SORCS1: variants seen among roughly 807,000 people sequenced by gnomAD.
The protein encoded by SORCS1 is sortilin related VPS10 domain containing receptor 1.
In SORCS1, 60 loss-of-function variants were observed where a neutral mutation model predicts 146.1. That is an observed-to-expected ratio of 0.41 (90% CI 0.33 to 0.51). The LOEUF is 0.51. SORCS1 is among the 20% of genes least tolerant of loss of function. The pLI is 0.21. For missense variants in SORCS1, 1,352 were observed against 1,487.6 expected (o/e 0.91, Z 1.50); for synonymous variants, 637 against 584.0 (o/e 1.09, Z -1.31).
At chr10:107,010,012 T>C (rs1957626937) in intron 1 of SORCS1, among the ~76,000 whole-genome samples, 1 of 152,200 alleles carries the variant, frequency 6.6e-6, no homozygotes, top group Non-Finnish European at 1.5e-5. Context: ...GTTGAAAAAC[T>C]TATGATGTGG....
At position 107,107,258 on chromosome 10, in the gene SORCS1, A is replaced by T. The variant is rs118122215; in HGVS notation, c.558+56711T>A. On this transcript the variant is annotated intron_variant, in intron 1 of 25. Transcript: ENST00000263054. ...TCAGAAAAAAAGAAGAGATGCAGAG[A>T]AAGCCTCAATCTTAGAAAATACCTA... Among the ~76,000 whole-genome samples, 36 of 152,366 alleles carry T rather than the reference A, an allele frequency of 2.4e-4. No homozygotes were observed. In the East Asian group the frequency reaches 6.5e-3, roughly 28 times the overall value.
intron 1 of SORCS1, among the ~76,000 whole-genome samples, chr10:107,158,514 C>T (rs1969463643): frequency 6.6e-6 from 1 of 152,206 alleles, no homozygotes; most frequent in South Asian, 2.1e-4. Context: ...TACAATCCAG[C>T]TTGAAGGCCA....
intron 1 of SORCS1, among the ~76,000 whole-genome samples, chr10:107,161,045 C>T (rs985053175): frequency 2.6e-5 from 4 of 152,108 alleles, no homozygotes; most frequent in Admixed American, 2.6e-4. Flanking sequence ...GCAACAGTTT[C>T]CATCAATCGA....
chr10:106,968,103 G>T (rs1478570634), intron 1 of SORCS1, among the ~76,000 whole-genome samples: 2 of 151,828 alleles, frequency 1.3e-5, no homozygotes, highest in Non-Finnish European at 2.9e-5. Flanking sequence ...CCAGTTACTC[G>T]GGAGGCTGAG....
At chr10:106,979,818 C>A (rs1018330446) in intron 1 of SORCS1, among the ~76,000 whole-genome samples, 1 of 152,186 alleles carries the variant, frequency 6.6e-6, no homozygotes, top group African/African-American at 2.4e-5. Context: ...CCTCACTCTG[C>A]CACTGTGGGA....
chr10:106,975,924 G>A (rs1301372132), intron 1 of SORCS1, among the ~76,000 whole-genome samples: 1 of 152,052 alleles, frequency 6.6e-6, no homozygotes, highest in Non-Finnish European at 1.5e-5. Context: ...GAGGTGGGTG[G>A]ATCACCTGAG....
chr10:106,719,404 C>G (rs1297217903), intron 6 of SORCS1, among the ~76,000 whole-genome samples: 2 of 139,296 alleles, frequency 1.4e-5, no homozygotes, highest in Non-Finnish European at 3.1e-5. Context: ...ATTCAATGAA[C>G]AGTTTCTTTC....
intron 5 of SORCS1, among the ~76,000 whole-genome samples, chr10:106,747,881 T>C (rs1369332292): frequency 6.6e-6 from 1 of 152,164 alleles, no homozygotes; most frequent in Non-Finnish European, 1.5e-5. Flanking sequence ...TATATATATA[T>C]GTATCCCATA....
chr10:106,808,526 G>A (rs542190771), intron 3 of SORCS1, among the ~76,000 whole-genome samples: 33 of 152,116 alleles, frequency 2.2e-4, no homozygotes, highest in African/African-American at 4.3e-4. Context: ...TATGTGAGGC[G>A]GAGTGTCGCT....
At chr10:106,984,986 C>T (rs953853204) in intron 1 of SORCS1, among the ~76,000 whole-genome samples, 1 of 152,022 alleles carries the variant, frequency 6.6e-6, no homozygotes, top group South Asian at 2.1e-4. Context: ...TCAGAAGTTC[C>T]ACATCAGCCT....
At chr10:106,991,471 T>C (rs978669741) in intron 1 of SORCS1, among the ~76,000 whole-genome samples, 5 of 152,188 alleles carry the variant, frequency 3.3e-5, no homozygotes, top group South Asian at 2.1e-4. Context: ...ATCTCAATTA[T>C]AGTGGGCAAT....
chr10:106,760,746 G>A (rs1472550769), intron 5 of SORCS1, among the ~76,000 whole-genome samples: 1 of 150,598 alleles, frequency 6.6e-6, no homozygotes, highest in Non-Finnish European at 1.5e-5. Context: ...CGCACATTTG[G>A]CAATTCACAG....
At chr10:106,963,729 T>C (rs1955370595) in intron 1 of SORCS1, among the ~76,000 whole-genome samples, 1 of 152,176 alleles carries the variant, frequency 6.6e-6, no homozygotes, top group African/African-American at 2.4e-5. Context: ...AACAAGAGCT[T>C]TCTTTAGAAG....
intron 1 of SORCS1, among the ~76,000 whole-genome samples, chr10:107,032,707 C>T (rs760407059): frequency 2.0e-5 from 3 of 152,126 alleles, no homozygotes; most frequent in Non-Finnish European, 2.9e-5. Context: ...GCATCTAATG[C>T]CGCAGGGAAA....
intron 5 of SORCS1, among the ~76,000 whole-genome samples, chr10:106,737,633 G>T (rs1169577232): frequency 1.3e-5 from 2 of 152,042 alleles, no homozygotes; most frequent in African/African-American, 4.8e-5. Flanking sequence ...GCTGAGGCAG[G>T]CGAATTGCTT....
At chr10:106,994,084 A>G (rs569081152) in intron 1 of SORCS1, among the ~76,000 whole-genome samples, 4 of 148,894 alleles carry the variant, frequency 2.7e-5, no homozygotes, top group South Asian at 2.1e-4. Context: ...AAAAAAAAAA[A>G]AAAGAAAATG....
chr10:106,912,972 G>A (rs571241744), intron 2 of SORCS1, among the ~76,000 whole-genome samples: 7 of 152,048 alleles, frequency 4.6e-5, no homozygotes, highest in South Asian at 2.1e-4. Context: ...GAGCCACTGC[G>A]CCCGGCCAGG....
rs757637390 is a variant in SORCS1, at chr10:106,865,665, A to C, written c.627-35992T>G. Among the ~76,000 whole-genome samples, 98 of 151,786 alleles carry C rather than the reference A, an allele frequency of 6.5e-4. 1 individual carries two copies. Among genetic ancestry groups the C allele is most frequent in the Non-Finnish European group, 1.3e-3 (85 of 67,954 alleles). ...CTTGAACCTGGGAGGCGGAGGTTGC[A>C]GTGAGCCAAGATTGTGCCATTTCAC... On this transcript the variant is annotated intron_variant, in intron 2 of 25. Coordinates refer to ENST00000263054, the MANE Select transcript of SORCS1 (RefSeq NM_052918.5).
At chr10:106,813,493 A>G (rs1057478429) in intron 3 of SORCS1, among the ~76,000 whole-genome samples, 2 of 152,166 alleles carry the variant, frequency 1.3e-5, no homozygotes, top group African/African-American at 4.8e-5. Flanking sequence ...AGAGTAAACG[A>G]ATGTACGTTG....
Sources: gnomAD v4.1 joint callset for allele counts (sites outside exome capture counted in the v4.1 genomes callset) on GRCh38, gnomAD v4.1.1 for gene constraint, MANE v1.5 for transcripts, NCBI Gene and HGNC (gene_info 2026-07-23, HGNC 2026-07-21) for gene names.